The following DACH2 variants were observed in gnomAD, a reference collection of about 807,000 sequenced individuals.
DACH2 encodes the protein dachshund family transcription factor 2.
DACH2 carries 17 observed loss-of-function variants against 35.8 expected under a neutral mutation model. The ratio of observed to expected loss-of-function variants is 0.48; its 90% CI spans 0.33 to 0.71. DACH2 has a LOEUF of 0.71. DACH2 is among the 30% of genes least tolerant of loss of function. The pLI, the probability that DACH2 is intolerant of heterozygous loss-of-function variation, is 0.02. For missense variants in DACH2, 469 were observed against 472.7 expected (o/e 0.99, Z 0.07); for synonymous variants, 195 against 177.3 (o/e 1.10, Z -0.79).
chrX:86,364,921 G>C (rs1480359337), intron 1 of DACH2, among the ~76,000 whole-genome samples: 1 of 111,129 alleles, frequency 9.0e-6, no homozygotes, highest in African/African-American at 3.3e-5. Context: ...TTTTAGAAGA[G>C]AGTTACGGGA....
At chrX:86,230,344 T>A (rs1010326542) in intron 1 of DACH2, among the ~76,000 whole-genome samples, 1 of 111,184 alleles carries the variant, frequency 9.0e-6, no homozygotes, top group African/African-American at 3.3e-5. Context: ...TTTTGATATG[T>A]TGTGGTTGAT....
intron 2 of DACH2, among the ~76,000 whole-genome samples, chrX:86,470,530 A>C (rs759730792): frequency 8.0e-5 from 9 of 111,837 alleles, no homozygotes; most frequent in Non-Finnish European, 1.5e-4. Context: ...GGAAGAAATA[A>C]ATTGAAAATT....
At chrX:86,213,746 A>G (rs148156643) in intron 1 of DACH2, among the ~76,000 whole-genome samples, 1,211 of 110,715 alleles carry the variant, frequency 0.011, 9 homozygotes, top group Non-Finnish European at 0.019. Context: ...CTCGTCAGAA[A>G]TGATCCACAA....
Position 86,665,635 on chromosome X carries a change from C to A in DACH2, c.772+14468C>A, listed in dbSNP as rs192101809. On this transcript the variant is annotated intron_variant, in intron 4 of 11. Transcript: ENST00000373125. ...TAGCCAACGAAGGAAAAATCACAAC[C>A]AGCCAATCACGATTAATGGCATAGA... 1.8e-3 allele frequency among the ~76,000 whole-genome samples: 205 copies of A among 111,707 alleles called. 2 individuals are homozygous for A. The highest frequency in any genetic ancestry group is 6.3e-3 in the African/African-American group (195 of 30,803).
At chrX:86,210,301 T>C (rs1195023505) in intron 1 of DACH2, among the ~76,000 whole-genome samples, 1 of 112,068 alleles carries the variant, frequency 8.9e-6, no homozygotes, top group African/African-American at 3.2e-5. Context: ...TTTTTTGAAT[T>C]ACATATTATA....
intron 7 of DACH2, among the ~76,000 whole-genome samples, chrX:86,803,164 A>G (rs143767557): frequency 0.032 from 3,619 of 111,392 alleles, 144 homozygotes; most frequent in African/African-American, 0.11. Context: ...TAGGCTCTAT[A>G]AAATATAGAG....
chrX:86,737,659 TTCAC>T (rs1333156713), intron 6 of DACH2, among the ~76,000 whole-genome samples: 1 of 111,963 alleles, frequency 8.9e-6, no homozygotes, highest in African/African-American at 3.2e-5. Context: ...GGACATGAGG[TTCAC>T]TAGGCTAAAA....
chrX:86,760,388 C>CA (rs2041868343), intron 7 of DACH2, among the ~76,000 whole-genome samples: 1 of 111,926 alleles, frequency 8.9e-6, no homozygotes, highest in Non-Finnish European at 1.9e-5. Context: ...TTTGCTCATA[C>CA]TTTTTCAATT....
chrX:86,777,362 T>C (rs927132239), intron 7 of DACH2, among the ~76,000 whole-genome samples: 4 of 111,451 alleles, frequency 3.6e-5, no homozygotes, highest in Non-Finnish European at 5.6e-5. Flanking sequence ...TTTTCATGTA[T>C]CTGTTGGCTG....
chrX:86,229,859 G>A (rs1349580666), intron 1 of DACH2, among the ~76,000 whole-genome samples: 1 of 110,622 alleles, frequency 9.0e-6, no homozygotes, highest in Non-Finnish European at 1.9e-5. Context: ...AGTTCTAGAA[G>A]CTTTCTGGAG....
intron 1 of DACH2, among the ~76,000 whole-genome samples, chrX:86,150,209 A>G (rs780241196): frequency 8.9e-6 from 1 of 112,596 alleles, no homozygotes; most frequent in Non-Finnish European, 1.9e-5. Context: ...ACATCTCAGG[A>G]AAGCACAGAT....
chrX:86,176,943 TCTCA>T (rs768606413), intron 1 of DACH2, among the ~76,000 whole-genome samples: 4 of 111,689 alleles, frequency 3.6e-5, no homozygotes, highest in Non-Finnish European at 1.9e-5. Context: ...TAAATTAAGT[TCTCA>T]CTCTTGTTTT....
chrX:86,638,559 A>C (rs2040306796), intron 3 of DACH2, among the ~76,000 whole-genome samples: 1 of 111,467 alleles, frequency 9.0e-6, no homozygotes, highest in Admixed American at 9.6e-5. Context: ...ACAACTCAAC[A>C]ACAAATAAAA....
At chrX:86,462,207 T>C (rs1438821641) in intron 2 of DACH2, among the ~76,000 whole-genome samples, 1 of 111,667 alleles carries the variant, frequency 9.0e-6, no homozygotes, top group Non-Finnish European at 1.9e-5. Flanking sequence ...ACTACAAATA[T>C]CATATAAGAA....
At chrX:86,423,335 T>C (rs1157156480) in intron 2 of DACH2, among the ~76,000 whole-genome samples, 1 of 111,112 alleles carries the variant, frequency 9.0e-6, no homozygotes, top group Non-Finnish European at 1.9e-5. Flanking sequence ...CATTTTTTAT[T>C]GCCTGTCTTT....
At chrX:86,206,313 T>C (rs1406924046) in intron 1 of DACH2, among the ~76,000 whole-genome samples, 3 of 111,894 alleles carry the variant, frequency 2.7e-5, no homozygotes, top group African/African-American at 9.8e-5. Context: ...TTACTTGTTT[T>C]ACAAATCCTC....
intron 2 of DACH2, among the ~76,000 whole-genome samples, chrX:86,449,570 T>A (rs2037331071): frequency 9.0e-6 from 1 of 111,627 alleles, no homozygotes; most frequent in African/African-American, 3.2e-5. Flanking sequence ...TTTCTTCCTT[T>A]CTTCATCTCT....
At chrX:86,207,685 T>C (rs2032347958) in intron 1 of DACH2, among the ~76,000 whole-genome samples, 1 of 111,629 alleles carries the variant, frequency 9.0e-6, no homozygotes, top group African/African-American at 3.2e-5. Flanking sequence ...AAAACTATTT[T>C]TGTGGATCCA....
intron 2 of DACH2, among the ~76,000 whole-genome samples, chrX:86,468,176 G>A (rs1402162876): frequency 9.0e-6 from 1 of 111,619 alleles, no homozygotes; most frequent in East Asian, 2.8e-4. Flanking sequence ...AGTAAATGTT[G>A]AATGGCTTTG....
Sources: gnomAD v4.1 joint callset for allele counts (sites outside exome capture counted in the v4.1 genomes callset) on GRCh38, gnomAD v4.1.1 for gene constraint, MANE v1.5 for transcripts, NCBI Gene and HGNC (gene_info 2026-07-23, HGNC 2026-07-21) for gene names.